ARHGAP25: variants seen among roughly 807,000 people sequenced by gnomAD.
The protein encoded by ARHGAP25 is Rho GTPase activating protein 25, also known as rho GTPase-activating protein 25.
Under a neutral mutation model 71.0 loss-of-function variants are expected in ARHGAP25, and 34 were observed. The observed-to-expected ratio is 0.48, with a 90% CI of 0.36 to 0.64. ARHGAP25 has a LOEUF of 0.64. ARHGAP25 is among the 30% of genes least tolerant of loss of function. The pLI is 0.00. For synonymous variants in ARHGAP25, 282 were observed against 296.5 expected (o/e 0.95, Z 0.50); for missense variants, 706 against 805.1 (o/e 0.88, Z 1.49).
Position 68,767,710 on chromosome 2 carries a change from G to A in ARHGAP25, c.62-7511G>A, listed in dbSNP as rs1677213888. 6.6e-6 allele frequency among the ~76,000 whole-genome samples: 1 copy of A among 152,194 alleles called. No individual in the cohort carries two copies. The highest frequency in any genetic ancestry group is 2.1e-4 in the South Asian group (1 of 4,832). ...AAGACGTGGCAGGATTACCTAATAT[G>A]TCCGTTTTCTTGTTGGGGTATCAGC... On this transcript the variant is annotated intron_variant, in intron 1 of 10. Transcript: ENST00000409202. This position sits in a 1 kb window ranked among gnomAD's most constrained non-coding sequence, Gnocchi z 4.6.
upstream of ARHGAP25, among the ~76,000 whole-genome samples, chr2:68,730,668 A>T (rs1463497033): frequency 6.7e-6 from 1 of 148,386 alleles, no homozygotes; most frequent in African/African-American, 2.5e-5. Flanking sequence ...AAAAAAAAAA[A>T]GTTCTCCTCA....
At chr2:68,780,493 G>A (rs1678245791) in intron 2 of ARHGAP25, among the ~76,000 whole-genome samples, 2 of 152,208 alleles carry the variant, frequency 1.3e-5, no homozygotes, top group Admixed American at 1.3e-4. Context: ...AGATGGTGAG[G>A]ACTGTGTAGG....
chr2:68,730,851 C>T (rs554973995), upstream of ARHGAP25, among the ~76,000 whole-genome samples: 78 of 152,192 alleles, frequency 5.1e-4, no homozygotes, highest in Admixed American at 1.1e-3. Flanking sequence ...TTGCCTGGAG[C>T]GTTCTCCTCT....
Position 68,746,206 on chromosome 2 carries a change from C to G in ARHGAP25, c.61+10946C>G, listed in dbSNP as rs115791078. 8.4e-3 allele frequency among the ~76,000 whole-genome samples: 1,273 copies of G among 152,312 alleles called. 23 individuals carry two copies. Among genetic ancestry groups the G allele is most frequent in the African/African-American group, 0.028 (1,147 of 41,560 alleles). On this transcript the variant is annotated intron_variant, in intron 1 of 10. Transcript: ENST00000409202. ...GTCTTAACACTTCCTTCTGCCGTCA[C>G]TCTCACTGATAACATTCATAGAGAA...
chr2:68,790,180 G>A (rs552516058), intron 4 of ARHGAP25, among the ~76,000 whole-genome samples: 1 of 152,076 alleles, frequency 6.6e-6, no homozygotes, highest in South Asian at 2.1e-4. Context: ...GTAAAGACAG[G>A]GTTTCACCTT....
intron 4 of ARHGAP25, 28 bp downstream of exon 4, chr2:68,787,984 C>T (rs778752589): frequency 1.7e-5 from 27 of 1,574,250 alleles, no homozygotes; most frequent in Non-Finnish European, 2.2e-5. Context: ...CTTTCCTGGG[C>T]AGGTGCCTAT....
At chr2:68,804,217 A>G (rs1251259473) in intron 4 of ARHGAP25, among the ~76,000 whole-genome samples, 1 of 152,130 alleles carries the variant, frequency 6.6e-6, no homozygotes, top group Non-Finnish European at 1.5e-5. Context: ...CATCTCCTAT[A>G]AGACCTCAGA....
intron 3 of ARHGAP25, among the ~76,000 whole-genome samples, chr2:68,784,226 A>G (rs1558635387): frequency 6.6e-6 from 1 of 152,072 alleles, no homozygotes; most frequent in African/African-American, 2.4e-5. Flanking sequence ...TCATAAGGAC[A>G]AATAATACTA....
chr2:68,822,226 T>C, intron 9 of ARHGAP25, 114 bp from the exon 10 acceptor site: 1 of 1,023,688 alleles, frequency 9.8e-7, no homozygotes, highest in Non-Finnish European at 1.4e-6. Flanking sequence ...CATTAAGAAT[T>C]TCATAGGTAT....
intron 1 of ARHGAP25, among the ~76,000 whole-genome samples, chr2:68,760,241 T>C (rs1429566423): frequency 6.6e-6 from 1 of 152,008 alleles, no homozygotes; most frequent in African/African-American, 2.4e-5. Flanking sequence ...ATACTCAACG[T>C]TGAAAGACTC....
chr2:68,754,125 G>C (rs10171786), intron 1 of ARHGAP25, among the ~76,000 whole-genome samples: 86,958 of 151,758 alleles, frequency 0.57, 26,028 homozygotes, highest in South Asian at 0.67. Flanking sequence ...GGATGGTCTC[G>C]ATCTCCTGAC....
At position 68,826,173 on chromosome 2, in the gene ARHGAP25, G is replaced by A; in HGVS notation, c.1920G>A (p.Lys640=). 6.2e-7 allele frequency: 1 copy of A among 1,614,148 alleles called. No homozygotes were observed. Among genetic ancestry groups the A allele is most frequent in the Admixed American group, 1.7e-5 (1 of 60,018 alleles). Residue 640 remains lysine (K), a synonymous_variant, in exon 11 of 11, where the codon AAG becomes AAA. Coordinates refer to ENST00000409202, the MANE Select transcript of ARHGAP25 (RefSeq NM_001007231.3). The part of the protein sequence containing the change: ...EEVKEFVKSM[K]EPKTEA ...TCAAGGAATTTGTCAAATCCATGAAGGAACCCAAGACCGAGGCTTAAGGGT... is the reference window on the plus strand; with the variant it reads ...TCAAGGAATTTGTCAAATCCATGAAAGAACCCAAGACCGAGGCTTAAGGGT...
chr2:68,730,556 G>A (rs776559399), upstream of ARHGAP25, among the ~76,000 whole-genome samples: 2 of 151,794 alleles, frequency 1.3e-5, no homozygotes, highest in Non-Finnish European at 2.9e-5. Flanking sequence ...AGGCCAAGGC[G>A]TGAGGATTGC....
At chr2:68,711,056 A>G (rs1382839352) in intron 2 of ARHGAP25, among the ~76,000 whole-genome samples, 1 of 152,164 alleles carries the variant, frequency 6.6e-6, no homozygotes, top group Non-Finnish European at 1.5e-5. Context: ...CCACAACAAA[A>G]TCATTCATAC....
intron 2 of ARHGAP25, among the ~76,000 whole-genome samples, chr2:68,727,211 G>A (rs542238494): frequency 6.6e-6 from 1 of 152,286 alleles, no homozygotes; most frequent in Non-Finnish European, 1.5e-5. Flanking sequence ...GCCTGCACGA[G>A]CCAGGTGGGA....
At position 68,822,731 on chromosome 2, in the gene ARHGAP25, C is replaced by G. The variant is rs1180274453; in HGVS notation, c.1592C>G (p.Thr531Ser). 1.2e-6 allele frequency: 2 copies of G among 1,614,230 alleles called. No individual in the cohort carries two copies. The highest frequency in any genetic ancestry group is 1.7e-6 in the Non-Finnish European group (2 of 1,180,046). ...CAAGCCTGTGACTCCAAGGGAGATA[C>G]TCTTGCCAGTCCAAACTCTGAAACT... ...SSQACDSKGD[T>S]LASPNSETGP... is the part of the protein sequence containing the mutation. Residue 531 changes from threonine to serine, a missense_variant, in exon 10 of 11, where the codon ACT (threonine) becomes AGT (serine). By Grantham distance (58) the Thr-to-Ser change is moderately conservative. Coordinates refer to ENST00000409202, the MANE Select transcript of ARHGAP25 (RefSeq NM_001007231.3).
intron 2 of ARHGAP25, among the ~76,000 whole-genome samples, chr2:68,724,429 C>T (rs185370950): frequency 1.3e-5 from 2 of 152,306 alleles, no homozygotes; most frequent in African/African-American, 2.4e-5. Flanking sequence ...ACAGCTGCCT[C>T]ACTGGGGAAG....
At chr2:68,811,398 C>T (rs1680804248) in intron 5 of ARHGAP25, among the ~76,000 whole-genome samples, 1 of 152,212 alleles carries the variant, frequency 6.6e-6, no homozygotes, top group Non-Finnish European at 1.5e-5. Context: ...TGCAAATTGT[C>T]AGCTGACTGT....
intron 3 of ARHGAP25, among the ~76,000 whole-genome samples, chr2:68,786,319 A>C (rs7569027): frequency 0.024 from 3,712 of 152,202 alleles, 155 homozygotes; most frequent in African/African-American, 0.085. Flanking sequence ...ACACCAGATA[A>C]ATTTTGTCCA....
Sources: gnomAD v4.1 joint callset for allele counts (sites outside exome capture counted in the v4.1 genomes callset) on GRCh38, gnomAD v4.1.1 for gene constraint, Gnocchi (gnomAD v3.1) non-coding constraint, MANE v1.5 for transcripts, NCBI Gene and HGNC (gene_info 2026-07-23, HGNC 2026-07-21) for gene names.